The following PLXNA4 variants were observed in gnomAD, a reference collection of about 807,000 sequenced individuals.
The protein encoded by PLXNA4 is plexin-A4.
A neutral mutation model predicts 191.8 loss-of-function variants in PLXNA4; 44 were observed. The observed-to-expected ratio is 0.23, with a 90% CI of 0.18 to 0.29. PLXNA4 has a LOEUF of 0.29. Among genes scored for constraint, PLXNA4 ranks in the 10% least tolerant of loss-of-function variants. The probability of loss-of-function intolerance (pLI) is 1.00; values close to 1 mark genes in which losing one functional copy is unlikely to be tolerated. For missense variants in PLXNA4, 1,800 were observed against 2,488.8 expected, an observed-to-expected ratio of 0.72 and a Z score of 5.89; for synonymous variants, 1,082 against 1,009.5, an observed-to-expected ratio of 1.07 and a Z score of -1.36.
intron 2 of PLXNA4, among the ~76,000 whole-genome samples, chr7:132,632,486 G>A (rs550970060): frequency 6.6e-6 from 1 of 152,282 alleles, no homozygotes; most frequent in South Asian, 2.1e-4. Context: ...TGCTGGAGCT[G>A]AGTGTGAGCT....
At chr7:132,396,908 C>T (rs943442285) in intron 3 of PLXNA4, among the ~76,000 whole-genome samples, 2 of 152,240 alleles carry the variant, frequency 1.3e-5, no homozygotes, top group Non-Finnish European at 2.9e-5. Flanking sequence ...AGGGAAAGAC[C>T]CTGCCTTGGT....
intron 2 of PLXNA4, among the ~76,000 whole-genome samples, chr7:132,506,406 C>T (rs1798465106): frequency 6.6e-6 from 1 of 152,222 alleles, no homozygotes; most frequent in African/African-American, 2.4e-5. Context: ...TGGATGCGTA[C>T]TTCTGTCCAA....
intron 1 of PLXNA4, among the ~76,000 whole-genome samples, chr7:132,559,565 CTACCTT>C (rs1303828119): frequency 6.6e-6 from 1 of 152,208 alleles, no homozygotes; most frequent in Non-Finnish European, 1.5e-5. Flanking sequence ...CCAAGTCTCA[CTACCTT>C]CCGCAGCAGC....
At chr7:132,634,484 TAC>T (rs1202117730) in intron 2 of PLXNA4, among the ~76,000 whole-genome samples, 1 of 148,588 alleles carries the variant, frequency 6.7e-6, no homozygotes, top group African/African-American at 2.5e-5. Flanking sequence ...ACACACACAC[TAC>T]ACACACACAT....
intron 3 of PLXNA4, among the ~76,000 whole-genome samples, chr7:132,447,407 T>G (rs923887347): frequency 3.3e-5 from 5 of 152,158 alleles, no homozygotes; most frequent in African/African-American, 1.2e-4. Context: ...CCAGGTGAAT[T>G]TTGATCTCCT....
At position 132,492,542 on chromosome 7, in the gene PLXNA4, G is replaced by A. The variant is rs551240354; in HGVS notation, c.1189-3068C>T. On this transcript the variant is annotated intron_variant, in intron 2 of 31. Coordinates refer to ENST00000321063, the MANE Select transcript of PLXNA4 (RefSeq NM_020911.2). ...TCTCTCTCTCTGAATGGGGCCCCAA[G>A]TGATAAAGGTGCCATTGAGTCCTTT... Among the ~76,000 whole-genome samples the A allele has an allele frequency of 2.6e-5, 4 of 152,284 alleles. No homozygotes were observed. The South Asian group carries it at 8.3e-4, about 32-fold the overall frequency.
At position 132,501,616 on chromosome 7, in the gene PLXNA4, G is replaced by A. The variant is rs146709192; in HGVS notation, c.1188+5890C>T. Among the ~76,000 whole-genome samples the A allele has an allele frequency of 4.3e-3, 656 of 152,310 alleles. 2 individuals carry two copies. The highest frequency in any genetic ancestry group is 0.037 in the Middle Eastern group (11 of 294). On this transcript the variant is annotated intron_variant, in intron 2 of 31. Coordinates refer to ENST00000321063, the MANE Select transcript of PLXNA4 (RefSeq NM_020911.2). ...AGCTACCTGTCACACAAAGCACCAT[G>A]CACACTAGTCTGGGATGGGACTTTT...
intron 4 of PLXNA4, among the ~76,000 whole-genome samples, chr7:132,297,132 G>A (rs1419695347): frequency 6.6e-6 from 1 of 152,164 alleles, no homozygotes; most frequent in Non-Finnish European, 1.5e-5. Context: ...TGTCAGCAGG[G>A]TCCTCCAGAG....
At chr7:132,430,198 T>C (rs779601940) in intron 3 of PLXNA4, among the ~76,000 whole-genome samples, 7 of 152,200 alleles carry the variant, frequency 4.6e-5, no homozygotes, top group Non-Finnish European at 1.0e-4. Flanking sequence ...ATTGAGTGAA[T>C]GCCTATTCTG....
At chr7:132,549,272 G>T (rs1298754082) in intron 1 of PLXNA4, among the ~76,000 whole-genome samples, 1 of 152,080 alleles carries the variant, frequency 6.6e-6, no homozygotes, top group Non-Finnish European at 1.5e-5. Flanking sequence ...CTCTGTTGGG[G>T]TCTGGATCAG....
At chr7:132,401,671 T>C (rs1034494386) in intron 3 of PLXNA4, among the ~76,000 whole-genome samples, 1 of 151,970 alleles carries the variant, frequency 6.6e-6, no homozygotes, top group African/African-American at 2.4e-5. Flanking sequence ...TCTAAGCCAA[T>C]AAAGAAGGGC....
intron 22 of PLXNA4, among the ~76,000 whole-genome samples, chr7:132,166,852 C>T (rs920326577): frequency 1.3e-5 from 2 of 152,094 alleles, no homozygotes; most frequent in Non-Finnish European, 2.9e-5. Flanking sequence ...AAATGATCTA[C>T]CTTGCTGTTT....
At chr7:132,605,261 C>T (rs1802902075) in intron 2 of PLXNA4, among the ~76,000 whole-genome samples, 1 of 152,212 alleles carries the variant, frequency 6.6e-6, no homozygotes, top group Non-Finnish European at 1.5e-5. Context: ...CAAGGCCATG[C>T]ACTTTGCCTC....
intron 4 of PLXNA4, among the ~76,000 whole-genome samples, chr7:132,275,886 C>T (rs1388238134): frequency 5.9e-5 from 9 of 152,196 alleles, no homozygotes; most frequent in African/African-American, 1.4e-4. Context: ...ATACCAAGTG[C>T]ATCTTGCTTC....
At chr7:132,211,190 T>C (rs755746250) in intron 9 of PLXNA4, 47 bp from the exon 10 acceptor site, 118 of 1,530,180 alleles carry the variant, frequency 7.7e-5, no homozygotes, top group Non-Finnish European at 1.0e-4. Flanking sequence ...GGAAACCAAA[T>C]GAGCAAGGAC....
intron 3 of PLXNA4, among the ~76,000 whole-genome samples, chr7:132,419,432 C>T (rs529531670): frequency 3.3e-5 from 5 of 152,292 alleles, no homozygotes; most frequent in African/African-American, 1.2e-4. Context: ...AGACAAGGAG[C>T]TTTCCAACTT....
chr7:132,581,630 G>A (rs1802404316), upstream of PLXNA4, among the ~76,000 whole-genome samples: 1 of 152,158 alleles, frequency 6.6e-6, no homozygotes, highest in African/African-American at 2.4e-5. Flanking sequence ...CCTCCACCCG[G>A]CTGCACTGCT....
At chr7:132,133,987 C>T (rs1795044056) in intron 30 of PLXNA4, among the ~76,000 whole-genome samples, 1 of 152,176 alleles carries the variant, frequency 6.6e-6, no homozygotes, top group South Asian at 2.1e-4. Context: ...GGTGGCCCAG[C>T]TCAGCCTAGC....
chr7:132,182,563 G>A (rs181556525), intron 16 of PLXNA4, among the ~76,000 whole-genome samples: 12 of 152,204 alleles, frequency 7.9e-5, no homozygotes, highest in African/African-American at 2.6e-4. Context: ...CACCAATCTT[G>A]GGACTTTTTA....
Sources: gnomAD v4.1 joint callset for allele counts (sites outside exome capture counted in the v4.1 genomes callset) on GRCh38, gnomAD v4.1.1 for gene constraint, MANE v1.5 for transcripts, NCBI Gene and HGNC (gene_info 2026-07-23, HGNC 2026-07-21) for gene names.